Variants in TTC3 observed in about 807,000 individuals in gnomAD.
TTC3 encodes tetratricopeptide repeat domain 3.
In TTC3, 180 loss-of-function variants were observed where a neutral mutation model predicts 249.6. The ratio of observed to expected loss-of-function variants is 0.72; its 90% CI spans 0.64 to 0.82. TTC3 has a LOEUF of 0.82. Among genes scored for constraint, TTC3 ranks in the 40% least tolerant of loss-of-function variants. The pLI, the probability that TTC3 is intolerant of heterozygous loss-of-function variation, is 0.00. For missense variants in TTC3, 2,061 were observed against 2,398.4 expected (o/e 0.86, Z 2.94); for synonymous variants, 717 against 805.0 (o/e 0.89, Z 1.85).
chr21:37,087,456 GT>G, intron 2 of TTC3, 55 bp downstream of exon 2: 1 of 1,595,998 alleles, frequency 6.3e-7, no homozygotes, highest in South Asian at 1.1e-5. Context: ...AGGTTTTCTG[GT>G]TTAGGGCTAT....
chr21:37,185,204 C>T (rs2083124830), intron 36 of TTC3, among the ~76,000 whole-genome samples: 1 of 152,252 alleles, frequency 6.6e-6, no homozygotes, highest in South Asian at 2.1e-4. Context: ...CAGGGCATGG[C>T]TCAAGAATCG....
intron 11 of TTC3, among the ~76,000 whole-genome samples, chr21:37,110,461 A>T (rs1287386245): frequency 6.6e-6 from 1 of 152,242 alleles, no homozygotes; most frequent in African/African-American, 2.4e-5. Context: ...GGTATCAGCG[A>T]TGGAAGATGA....
rs185428618 is a variant in TTC3, at chr21:37,111,866, A to C, written c.900+3420A>C. On this transcript the variant is annotated intron_variant, in intron 11 of 45. Coordinates refer to ENST00000355666, the Ensembl canonical transcript of TTC3. ...CAAACTGTCTCTCAGACCATAGTGC[A>C]ATCAAACTGGAACTCAGGATTAAGA... Among the ~76,000 whole-genome samples the C allele has an allele frequency of 2.6e-5, 4 of 152,214 alleles. No homozygotes were observed. The East Asian group carries it at 7.7e-4, about 29-fold the overall frequency.
At position 37,160,209 on chromosome 21, in the gene TTC3, C is replaced by T. The variant is rs2080571323; in HGVS notation, c.3039+464C>T. 2.6e-5 allele frequency among the ~76,000 whole-genome samples: 4 copies of T among 152,260 alleles called. No individual in the cohort carries two copies. The South Asian group carries it at 8.3e-4, about 32-fold the overall frequency. On this transcript the variant is annotated intron_variant, in intron 29 of 45. Coordinates refer to ENST00000355666, the Ensembl canonical transcript of TTC3. ...GCCTTTTATTCATTCTTCAGAAATT[C>T]TTCAGTTTAGGAAAGTGAGTAAATA...
chr21:37,186,179 A>G (rs1323533055), intron 37 of TTC3: 2 of 153,796 alleles, frequency 1.3e-5, no homozygotes, highest in African/African-American at 2.4e-5. Context: ...TTTTACTATG[A>G]ATCTATGCAA....
intron 35 of TTC3, 121 bp downstream of exon 35, chr21:37,172,865 C>T (rs2081929577): frequency 5.0e-6 from 6 of 1,204,922 alleles, no homozygotes; most frequent in Non-Finnish European, 6.8e-6. Flanking sequence ...AAGATTCTTT[C>T]TCAGAATCGC....
At chr21:37,141,422 A>C (rs1226356201) in intron 20 of TTC3, among the ~76,000 whole-genome samples, 4 of 136,210 alleles carry the variant, frequency 2.9e-5, no homozygotes, top group African/African-American at 1.1e-4. Flanking sequence ...TCCCCCCCCC[A>C]GCCATCTTAG....
At chr21:37,125,955 C>T (rs1320373431) in intron 14 of TTC3, 125 bp from the exon 15 acceptor site, 16 of 754,094 alleles carry the variant, frequency 2.1e-5, no homozygotes, top group Non-Finnish European at 3.3e-5. Flanking sequence ...TAATAACCAG[C>T]TGCATATTTT....
chr21:37,124,298 T>G (rs939901829), intron 13 of TTC3, among the ~76,000 whole-genome samples: 36 of 151,728 alleles, frequency 2.4e-4, no homozygotes, highest in African/African-American at 8.0e-4. Context: ...GTATTTTTAG[T>G]AGAGACGGGG....
At chr21:37,133,188 C>G (rs1457221987) in intron 17 of TTC3, among the ~76,000 whole-genome samples, 1 of 152,128 alleles carries the variant, frequency 6.6e-6, no homozygotes, top group African/African-American at 2.4e-5. Context: ...AACACAGTTT[C>G]ATTATACTTA....
At chr21:37,099,321 A>G (rs921739944) in intron 10 of TTC3, among the ~76,000 whole-genome samples, 2 of 152,182 alleles carry the variant, frequency 1.3e-5, no homozygotes, top group South Asian at 2.1e-4. Context: ...AACCATCACA[A>G]CTACGTGAGG....
intron 30 of TTC3, among the ~76,000 whole-genome samples, chr21:37,161,311 T>G (rs889214329): frequency 1.3e-5 from 2 of 152,200 alleles, no homozygotes; most frequent in Non-Finnish European, 2.9e-5. Context: ...GGTCTCCTTC[T>G]CTCACCCAGG....
intron 11 of TTC3, among the ~76,000 whole-genome samples, chr21:37,108,848 C>T (rs917435253): frequency 6.6e-6 from 1 of 152,070 alleles, no homozygotes; most frequent in Non-Finnish European, 1.5e-5. Context: ...ATATATTTGG[C>T]TATATCGAAC....
At chr21:37,166,374 G>T (rs1569122594) in exon 33 of TTC3, 2 of 1,614,184 alleles carry the variant, frequency 1.2e-6, no homozygotes, top group African/African-American at 1.3e-5. Context: ...TATTTTGAGG[G>T]TCATCATTTG....
intron 23 of TTC3, among the ~76,000 whole-genome samples, chr21:37,149,838 T>G (rs1044823177): frequency 6.6e-6 from 1 of 152,226 alleles, no homozygotes; most frequent in Non-Finnish European, 1.5e-5. Context: ...GTATGTCATG[T>G]CTGGTCACTT....
chr21:37,085,277 G>T (rs1029957088), intron 1 of TTC3, among the ~76,000 whole-genome samples: 1 of 152,172 alleles, frequency 6.6e-6, no homozygotes, highest in African/African-American at 2.4e-5. Context: ...GGGTGCTCCA[G>T]TATCTTATGT....
chr21:37,157,404 G>T (rs1483906100), intron 28 of TTC3, among the ~76,000 whole-genome samples: 1 of 152,206 alleles, frequency 6.6e-6, no homozygotes, highest in Admixed American at 6.5e-5. Flanking sequence ...TGGGCCCAGT[G>T]ATGGGTGTTG....
At chr21:37,104,103 T>G (rs1425490028) in intron 10 of TTC3, among the ~76,000 whole-genome samples, 1 of 152,084 alleles carries the variant, frequency 6.6e-6, no homozygotes, top group Non-Finnish European at 1.5e-5. Context: ...TTCAAGAGTT[T>G]AGAGGTGAAG....
intron 11 of TTC3, among the ~76,000 whole-genome samples, chr21:37,115,965 G>C (rs2076108371): frequency 1.3e-5 from 2 of 152,188 alleles, no homozygotes; most frequent in African/African-American, 4.8e-5. Context: ...TTCTTTCCTT[G>C]CTTTACTTTT....
Sources: gnomAD v4.1 joint callset for allele counts (sites outside exome capture counted in the v4.1 genomes callset) on GRCh38, gnomAD v4.1.1 for gene constraint, MANE v1.5 for transcripts, NCBI Gene and HGNC (gene_info 2026-07-23, HGNC 2026-07-21) for gene names.